Variants in UBXN8 observed in about 807,000 individuals in gnomAD.
UBXN8 encodes UBX domain-containing protein 8.
UBXN8 carries 27 observed loss-of-function variants against 32.1 expected under a neutral mutation model. That is an observed-to-expected ratio of 0.84 (90% CI 0.62 to 1.16). The LOEUF is 1.16. Ranked by LOEUF, UBXN8 falls within the 50% of genes most tolerant of loss-of-function variation. UBXN8 has a pLI of 0.00. For missense variants in UBXN8, 306 were observed against 311.4 expected (o/e 0.98, Z 0.13); for synonymous variants, 109 against 111.8 (o/e 0.98, Z 0.16).
intron 1 of UBXN8, among the ~76,000 whole-genome samples, chr8:30,739,021 A>G (rs1805132624): frequency 6.6e-6 from 1 of 150,818 alleles, no homozygotes; most frequent in African/African-American, 2.4e-5. Context: ...TTGAAATGAC[A>G]AAATTAAAGA....
upstream of UBXN8, among the ~76,000 whole-genome samples, chr8:30,731,033 G>C (rs536795795): frequency 3.9e-5 from 6 of 152,230 alleles, no homozygotes; most frequent in Non-Finnish European, 7.3e-5. Context: ...GGGGGGCCCC[G>C]GGAAAGAAAC....
chr8:30,729,247 C>T (rs764268262), upstream of UBXN8, among the ~76,000 whole-genome samples: 3 of 152,226 alleles, frequency 2.0e-5, no homozygotes, highest in Non-Finnish European at 4.4e-5. Flanking sequence ...GGTGGAACGC[C>T]TAGTCAGAGC....
rs562232927 is a variant in UBXN8 at position 30,747,027 on chromosome 8, C to T, written c.88+2750C>T. Among the ~76,000 whole-genome samples the T allele has an allele frequency of 1.7e-3, 240 of 138,088 alleles. 51 individuals carry two copies. Among genetic ancestry groups the T allele is most frequent in the African/African-American group, 6.5e-3 (231 of 35,630 alleles). 90.6% of individuals were successfully genotyped at this position (138,088 alleles called of 152,430 possible). ...AAAATTAGCGGAGCATGGTGGCGCACGCCTGTAGTCCCAGCTTCTTGGGAG... is the reference window on the plus strand; with the variant it reads ...AAAATTAGCGGAGCATGGTGGCGCATGCCTGTAGTCCCAGCTTCTTGGGAG... On this transcript the variant is annotated intron_variant, in intron 1 of 7. Coordinates refer to ENST00000265616, the MANE Select transcript of UBXN8 (RefSeq NM_005671.4).
At chr8:30,749,851 GC>G (rs1805472432) in intron 1 of UBXN8, among the ~76,000 whole-genome samples, 1 of 152,016 alleles carries the variant, frequency 6.6e-6, no homozygotes, top group Non-Finnish European at 1.5e-5. Flanking sequence ...TGATCTGCCT[GC>G]CTCGGCCTCC....
Position 30,766,818 on chromosome 8 carries a change from C to CTT in UBXN8, c.*425_*426dup, listed in dbSNP as rs1806022438. On this transcript the variant is annotated 3_prime_UTR_variant, in exon 8 of 8. Coordinates refer to ENST00000265616, the MANE Select transcript of UBXN8 (RefSeq NM_005671.4). ...TGCTGTATTTCTGTGAAATTAAAAA[C>CTT]TTGGAAGAAGCTTCAAAGCTCTTGG... 6.6e-6 allele frequency: 1 copy of CTT among 152,406 alleles called. No homozygotes were observed. The highest frequency in any genetic ancestry group is 1.5e-5 in the Non-Finnish European group (1 of 68,196). The allele number at this position is 152,406 out of a possible 1,614,324, so 9.4% of individuals were successfully genotyped here.
chr8:30,749,410 T>A (rs866705476), intron 1 of UBXN8, among the ~76,000 whole-genome samples: 1,954 of 48,722 alleles, frequency 0.04, 19 homozygotes, highest in African/African-American at 0.081. Flanking sequence ...AAAAATAAAA[T>A]AAATAAATAA....
intron 3 of UBXN8, among the ~76,000 whole-genome samples, 187 bp downstream of exon 3, chr8:30,753,292 T>C (rs541141804): frequency 4.0e-4 from 61 of 152,286 alleles, no homozygotes; most frequent in Non-Finnish European, 6.2e-4. Flanking sequence ...AGTCTCGCTG[T>C]GTCACCTAGG....
intron 4 of UBXN8, among the ~76,000 whole-genome samples, chr8:30,755,589 CA>C (rs35371163): frequency 0.98 from 147,236 of 150,410 alleles, 72,141 homozygotes; most frequent in Middle Eastern, 1. Context: ...CCTGTCTCTA[CA>C]AAAAAAAAAT....
chr8:30,752,527 G>A (rs2128754427), intron 2 of UBXN8, among the ~76,000 whole-genome samples: 1 of 152,240 alleles, frequency 6.6e-6, no homozygotes, highest in East Asian at 1.9e-4. Flanking sequence ...ATGTTGCCCA[G>A]GCTGGTCTCT....
At chr8:30,754,611 A>AT in intron 3 of UBXN8, 54 bp from the exon 4 acceptor site, 2 of 1,508,530 alleles carry the variant, frequency 1.3e-6, no homozygotes, top group Non-Finnish European at 1.8e-6. Context: ...GACAGTGTAC[A>AT]TTTTTAGGAA....
At chr8:30,743,687 C>A (rs1805269368), upstream of UBXN8, among the ~76,000 whole-genome samples, 1 of 152,224 alleles carries the variant, frequency 6.6e-6, no homozygotes, top group African/African-American at 2.4e-5. Flanking sequence ...AGCCAGGCCC[C>A]ACTTTCGAGT....
At chr8:30,743,930 G>C (rs1174863494), upstream of UBXN8, among the ~76,000 whole-genome samples, 1 of 152,154 alleles carries the variant, frequency 6.6e-6, no homozygotes, top group Non-Finnish European at 1.5e-5. Flanking sequence ...ACCCTCCAGG[G>C]AGCCACCGCT....
chr8:30,753,343 A>T (rs1204530592), intron 3 of UBXN8, among the ~76,000 whole-genome samples: 1 of 152,116 alleles, frequency 6.6e-6, no homozygotes, highest in East Asian at 1.9e-4. Context: ...TGCAATCTCC[A>T]CCTCCCAGGT....
At chr8:30,750,766 C>G (rs1467371760) in intron 1 of UBXN8, among the ~76,000 whole-genome samples, 1 of 81,320 alleles carries the variant, frequency 1.2e-5, no homozygotes, top group African/African-American at 3.0e-5. Flanking sequence ...GAGCGAGACT[C>G]TGTCTCAAAA....
chr8:30,754,811 AT>A lies in UBXN8; in HGVS notation c.405+28del, dbSNP rs1805609455. The A allele has an allele frequency of 2.6e-6, 4 of 1,556,550 alleles. No homozygotes were observed. In the African/African-American group the frequency reaches 5.7e-5, roughly 22 times the overall value. ...GGGTTGGAAAATATTCTCATTTTATATTTTGAATCCTCTTACTATGTTTCCT... is the reference window on the plus strand; with the variant it reads ...GGGTTGGAAAATATTCTCATTTTATATTTGAATCCTCTTACTATGTTTCCT... On this transcript the variant is annotated intron_variant, in intron 4 of 7. Transcript: ENST00000265616.
At chr8:30,751,993 A>G (rs1025951034) in intron 2 of UBXN8, among the ~76,000 whole-genome samples, 2 of 151,700 alleles carry the variant, frequency 1.3e-5, no homozygotes, top group African/African-American at 4.8e-5. Flanking sequence ...CCTGGGTTCA[A>G]GTGATTCTCC....
chr8:30,766,566 A>C lies in UBXN8; in HGVS notation c.*172A>C. 1.6e-6 allele frequency: 1 copy of C among 612,662 alleles called. No individual in the cohort carries two copies. The highest frequency in any genetic ancestry group is 2.5e-6 in the Non-Finnish European group (1 of 397,798). The allele number at this position is 612,662 out of a possible 1,614,324, so 38.0% of individuals were successfully genotyped here. A position where few individuals can be genotyped will look rare whatever the true frequency, so the allele number is the denominator to read the frequency against. ...AGAAAAGGATTGCTTTCTATATATA[A>C]TAATCTGTGGACTGTGCCATTTTAC... is the stretch of plus-strand genomic sequence containing the variant. On this transcript the variant is annotated 3_prime_UTR_variant, in exon 8 of 8. Coordinates refer to ENST00000265616, the MANE Select transcript of UBXN8 (RefSeq NM_005671.4).
At chr8:30,755,195 TCCGC>T (rs1372488019) in intron 4 of UBXN8, among the ~76,000 whole-genome samples, 1 of 152,010 alleles carries the variant, frequency 6.6e-6, no homozygotes, top group African/African-American at 2.4e-5. Flanking sequence ...GACCTCATGA[TCCGC>T]CCGCCTCACC....
intron 1 of UBXN8, among the ~76,000 whole-genome samples, chr8:30,750,487 T>C (rs546534778): frequency 2.6e-5 from 4 of 151,926 alleles, no homozygotes; most frequent in African/African-American, 9.6e-5. Flanking sequence ...AGCAACACCC[T>C]GTCGGCCGGG....
Sources: gnomAD v4.1 joint callset for allele counts (sites outside exome capture counted in the v4.1 genomes callset) on GRCh38, gnomAD v4.1.1 for gene constraint, MANE v1.5 for transcripts, NCBI Gene and HGNC (gene_info 2026-07-23, HGNC 2026-07-21) for gene names.